The following PPP2R5A variants were observed in gnomAD, a reference collection of about 807,000 sequenced individuals.
PPP2R5A encodes protein phosphatase 2 regulatory subunit B'alpha, also known as serine/threonine-protein phosphatase 2A 56 kDa regulatory subunit alpha isoform.
A neutral mutation model predicts 64.2 loss-of-function variants in PPP2R5A; 25 were observed. That is an observed-to-expected ratio of 0.39 (90% CI 0.28 to 0.54). PPP2R5A has a LOEUF of 0.54. Ranked by LOEUF, PPP2R5A falls within the 20% of genes least tolerant of loss-of-function variation. The pLI is 0.67. For missense variants in PPP2R5A, 425 were observed against 576.3 expected (o/e 0.74, Z 2.69); for synonymous variants, 198 against 201.2 (o/e 0.98, Z 0.13).
In PPP2R5A at chr1:212,322,052, G is replaced by A. The variant is rs1659307722; in HGVS notation, c.182-7083G>A. Among the ~76,000 whole-genome samples, 4 of 151,506 alleles carry A rather than the reference G, an allele frequency of 2.6e-5. No individual in the cohort carries two copies. In the South Asian group the frequency reaches 8.4e-4, roughly 32 times the overall value. Reference sequence around the variant, plus strand: ...AAAATACGAAAACCAGTCAGGCGTGGCGGCGCGCGCCTGCAATCGCAGGCA... The same window carrying A: ...AAAATACGAAAACCAGTCAGGCGTGACGGCGCGCGCCTGCAATCGCAGGCA... On this transcript the variant is annotated intron_variant, in intron 1 of 12. Transcript: ENST00000261461.
intron 8 of PPP2R5A, among the ~76,000 whole-genome samples, chr1:212,355,006 G>A (rs1051130471): frequency 2.0e-5 from 3 of 152,120 alleles, no homozygotes; most frequent in African/African-American, 7.2e-5. Flanking sequence ...GTTGCCTAAT[G>A]ACACATTTCT....
At chr1:212,294,725 G>C (rs1029688388) in intron 1 of PPP2R5A, among the ~76,000 whole-genome samples, 5 of 152,154 alleles carry the variant, frequency 3.3e-5, no homozygotes, top group African/African-American at 4.8e-5. Context: ...AGACTTGTAA[G>C]CAGGCAGTTG....
intron 1 of PPP2R5A, among the ~76,000 whole-genome samples, chr1:212,315,213 T>G (rs1258345804): frequency 6.6e-6 from 1 of 152,208 alleles, no homozygotes; most frequent in Non-Finnish European, 1.5e-5. Flanking sequence ...TACTGTCTTA[T>G]GAGCTTGGAG....
intron 1 of PPP2R5A, among the ~76,000 whole-genome samples, chr1:212,308,095 C>T (rs1658954704): frequency 6.6e-6 from 1 of 152,050 alleles, no homozygotes; most frequent in Non-Finnish European, 1.5e-5. Context: ...CCTGCCTCAG[C>T]TCCCAAGCCT....
chr1:212,334,746 G>T (rs1659562029), intron 3 of PPP2R5A, among the ~76,000 whole-genome samples: 1 of 152,146 alleles, frequency 6.6e-6, no homozygotes, highest in African/African-American at 2.4e-5. Flanking sequence ...CTGATGACAA[G>T]TTAGCCATTA....
Position 212,335,859 on chromosome 1 carries a change from T to G in PPP2R5A, c.480+2261T>G, listed in dbSNP as rs541455667. ...TAATGAAAAATTCTCATTAGCTGATTTTTTAATCAGATGTAGTTGAACAGT... is the reference window on the plus strand; with the variant it reads ...TAATGAAAAATTCTCATTAGCTGATGTTTTAATCAGATGTAGTTGAACAGT... On this transcript the variant is annotated intron_variant, in intron 3 of 12. Coordinates refer to ENST00000261461, the MANE Select transcript of PPP2R5A (RefSeq NM_006243.4). 3.3e-5 allele frequency among the ~76,000 whole-genome samples: 5 copies of G among 152,326 alleles called. No homozygotes were observed. The East Asian group carries it at 9.6e-4, about 29-fold the overall frequency.
At chr1:212,354,595 G>C (rs536844666) in intron 8 of PPP2R5A, among the ~76,000 whole-genome samples, 2 of 152,100 alleles carry the variant, frequency 1.3e-5, no homozygotes, top group South Asian at 2.1e-4. Context: ...GAGGCAGGAG[G>C]ATCATTTAAG....
intron 1 of PPP2R5A, among the ~76,000 whole-genome samples, chr1:212,304,835 C>T (rs1305124846): frequency 2.0e-5 from 3 of 149,498 alleles, no homozygotes; most frequent in East Asian, 2.0e-4. Flanking sequence ...CAGGTTCAAG[C>T]GATTCTCCTG....
intron 1 of PPP2R5A, among the ~76,000 whole-genome samples, chr1:212,305,551 C>T (rs977709786): frequency 3.3e-5 from 5 of 151,990 alleles, no homozygotes; most frequent in African/African-American, 9.7e-5. Context: ...TCCATAGACA[C>T]CTCTTAGGTG....
chr1:212,314,264 T>G (rs1659101920), intron 1 of PPP2R5A, among the ~76,000 whole-genome samples: 1 of 152,214 alleles, frequency 6.6e-6, no homozygotes, highest in Non-Finnish European at 1.5e-5. Context: ...AATTCCATCC[T>G]CTAGTTTTCT....
At chr1:212,333,045 G>A (rs1659531987) in intron 2 of PPP2R5A, among the ~76,000 whole-genome samples, 1 of 151,934 alleles carries the variant, frequency 6.6e-6, no homozygotes, top group Admixed American at 6.6e-5. Flanking sequence ...AGGACCACAA[G>A]TGTGCGCCAC....
chr1:212,286,213 C>A lies in PPP2R5A; in HGVS notation c.103C>A (p.Gln35Lys), dbSNP rs771692473. 2.5e-6 allele frequency: 4 copies of A among 1,575,548 alleles called. No individual in the cohort carries two copies. In the East Asian group the frequency reaches 7.1e-5, roughly 28 times the overall value. ...GAAATCGGTCCGCAAGGCGCAGAGG[C>A]AGAAGCGCTCCCAGGGCTCGTCGCA... ...TRKSVRKAQR[Q>K]KRSQGSSQFR... Residue 35 changes from glutamine (Q) to lysine (K), a missense_variant, in exon 1 of 13, where the codon CAG (glutamine) becomes AAG (lysine). Physicochemically the swap from Gln to Lys is moderately conservative, Grantham distance 53. This residue lies in a region of PPP2R5A where 104 missense variants were observed against 95.7 expected (regional missense o/e 1.09). Coordinates refer to ENST00000261461, the MANE Select transcript of PPP2R5A (RefSeq NM_006243.4).
At chr1:212,300,762 A>C (rs567666212) in intron 1 of PPP2R5A, among the ~76,000 whole-genome samples, 116 of 152,314 alleles carry the variant, frequency 7.6e-4, no homozygotes, top group African/African-American at 2.7e-3. Context: ...CTTGGTTATA[A>C]GTTTCTTACG....
intron 1 of PPP2R5A, among the ~76,000 whole-genome samples, chr1:212,316,166 A>G (rs1240003628): frequency 6.6e-6 from 1 of 152,218 alleles, no homozygotes; most frequent in African/African-American, 2.4e-5. Flanking sequence ...ACTTTAAATC[A>G]GAAGCTAGAA....
At chr1:212,315,210 T>C (rs1659123293) in intron 1 of PPP2R5A, among the ~76,000 whole-genome samples, 1 of 152,214 alleles carries the variant, frequency 6.6e-6, no homozygotes, top group African/African-American at 2.4e-5. Flanking sequence ...TATTACTGTC[T>C]TATGAGCTTG....
chr1:212,319,618 CTTTTTTTTTTTT>C (rs11417541), intron 1 of PPP2R5A: 45 of 126,978 alleles, frequency 3.5e-4, no homozygotes, highest in African/African-American at 1.5e-3. Context: ...GTTTTCTTTT[CTTTTTTTTTTTT>C]TTTTTTTGAG....
chr1:212,308,863 G>A (rs184403270), intron 1 of PPP2R5A, among the ~76,000 whole-genome samples: 7 of 152,072 alleles, frequency 4.6e-5, no homozygotes, highest in African/African-American at 1.4e-4. Context: ...GTCTCCTCAT[G>A]GGTCCCTTTA....
At chr1:212,302,589 C>T (rs1658817068) in intron 1 of PPP2R5A, among the ~76,000 whole-genome samples, 1 of 152,158 alleles carries the variant, frequency 6.6e-6, no homozygotes, top group South Asian at 2.1e-4. Flanking sequence ...TAAAACAGCT[C>T]TATTGAGATA....
At chr1:212,295,967 CAGA>C (rs1451366247) in intron 1 of PPP2R5A, among the ~76,000 whole-genome samples, 4 of 151,994 alleles carry the variant, frequency 2.6e-5, no homozygotes, top group South Asian at 2.1e-4. Flanking sequence ...TGCATTGTAG[CAGA>C]AGAAGATTTT....
Sources: gnomAD v4.1 joint callset for allele counts (sites outside exome capture counted in the v4.1 genomes callset) on GRCh38, gnomAD v4.1.1 for gene constraint, gnomAD v4.1.1 regional missense constraint, MANE v1.5 for transcripts, NCBI Gene and HGNC (gene_info 2026-07-23, HGNC 2026-07-21) for gene names.